Variants in GALNT13 observed in about 807,000 individuals in gnomAD.
The protein encoded by GALNT13 is polypeptide N-acetylgalactosaminyltransferase 13, also known as UDP-GalNAc:polypeptide N-acetylgalactosaminyltransferase 13.
GALNT13 carries 28 observed loss-of-function variants against 64.2 expected under a neutral mutation model. That is an observed-to-expected ratio of 0.44 (90% CI 0.32 to 0.60). The LOEUF (loss-of-function observed/expected upper bound fraction) is 0.60, where lower values mean the gene tolerates loss of function less well. GALNT13 is among the 20% of genes least tolerant of loss of function. GALNT13 has a pLI of 0.05. For synonymous variants in GALNT13, 214 were observed against 224.6 expected (o/e 0.95, Z 0.42); for missense variants, 577 against 669.8 (o/e 0.86, Z 1.53).
chr2:154,227,353 A>C (rs1688673231), intron 4 of GALNT13, among the ~76,000 whole-genome samples: 1 of 150,058 alleles, frequency 6.7e-6, no homozygotes, highest in Admixed American at 6.6e-5. Context: ...ATTATACTTT[A>C]AGTTTTAGGG....
In GALNT13 at chr2:154,302,249, A is replaced by G. The variant is rs962607776; in HGVS notation, c.1156+660A>G. ...GGGATTATTAATGATTACATTCTGT[A>G]TAATTTTCTAGATTTCTGCAATAGC... On this transcript the variant is annotated intron_variant, in intron 9 of 12. Transcript: ENST00000392825. Among the ~76,000 whole-genome samples the G allele has an allele frequency of 1.1e-4, 16 of 152,144 alleles. 1 individual carries two copies. Among genetic ancestry groups the G allele is most frequent in the Admixed American group, 9.8e-4 (15 of 15,278 alleles).
chr2:154,106,808 A>C (rs1239296981), intron 3 of GALNT13, among the ~76,000 whole-genome samples: 3 of 152,118 alleles, frequency 2.0e-5, no homozygotes, highest in African/African-American at 7.2e-5. Context: ...TCATAAGTTC[A>C]ATGGGATACG....
intron 4 of GALNT13, among the ~76,000 whole-genome samples, chr2:154,144,795 C>T (rs953810613): frequency 2.0e-5 from 3 of 151,762 alleles, no homozygotes; most frequent in East Asian, 1.9e-4. Context: ...TGTGAATAAC[C>T]ATCAGGACAA....
the GALNT13 span, among the ~76,000 whole-genome samples, chr2:153,474,247 G>A: frequency 6.6e-5 from 10 of 152,326 alleles, no homozygotes; most frequent in African/African-American, 2.4e-4. Context: ...TGGAATCATA[G>A]AATTGGAAGG....
chr2:153,303,798 G>A, the GALNT13 span, among the ~76,000 whole-genome samples: 1 of 151,858 alleles, frequency 6.6e-6, no homozygotes, highest in South Asian at 2.1e-4. Context: ...TTTGGCAGGG[G>A]TGGGGATAGA....
the GALNT13 span, among the ~76,000 whole-genome samples, chr2:153,523,041 C>CTA: frequency 2.7e-5 from 2 of 74,778 alleles, no homozygotes; most frequent in East Asian, 1.1e-3. Context: ...TCTGTGTTTA[C>CTA]TATTTTTTTT....
intron 9 of GALNT13, among the ~76,000 whole-genome samples, chr2:154,362,789 T>C (rs1697149034): frequency 6.6e-6 from 1 of 152,188 alleles, no homozygotes. Context: ...CAAATAGCTA[T>C]TGCATTAAGG....
intron 2 of GALNT13, among the ~76,000 whole-genome samples, chr2:153,903,801 A>G (rs1211441500): frequency 6.6e-6 from 1 of 151,974 alleles, no homozygotes; most frequent in Non-Finnish European, 1.5e-5. Context: ...ATTTTTACGC[A>G]TTAAGGAGAC....
At chr2:154,096,966 C>T (rs1305858771) in intron 3 of GALNT13, among the ~76,000 whole-genome samples, 1 of 151,028 alleles carries the variant, frequency 6.6e-6, no homozygotes, top group Non-Finnish European at 1.5e-5. Context: ...GAAAAAATTC[C>T]ACATCATCAA....
At chr2:153,591,067 C>T in the GALNT13 span, among the ~76,000 whole-genome samples, 5 of 151,994 alleles carry the variant, frequency 3.3e-5, no homozygotes, top group Non-Finnish European at 5.9e-5. Flanking sequence ...TCTAGAATAA[C>T]CTTATAATTC....
chr2:153,253,011 T>G, the GALNT13 span, among the ~76,000 whole-genome samples: 1 of 151,808 alleles, frequency 6.6e-6, no homozygotes, highest in East Asian at 1.9e-4. Flanking sequence ...GTGAAGAAAG[T>G]CATTGGTAGC....
chr2:153,796,561 T>A, the GALNT13 span, among the ~76,000 whole-genome samples: 1 of 152,164 alleles, frequency 6.6e-6, no homozygotes. Flanking sequence ...ATAACAAAAA[T>A]TATATCACAA....
chr2:154,370,544 T>C (rs1029585189), intron 9 of GALNT13, among the ~76,000 whole-genome samples: 1 of 152,096 alleles, frequency 6.6e-6, no homozygotes, highest in African/African-American at 2.4e-5. Context: ...AATGATGAAA[T>C]AGAAGCACAA....
chr2:153,194,465 C>T, the GALNT13 span, among the ~76,000 whole-genome samples: 2 of 152,036 alleles, frequency 1.3e-5, no homozygotes, highest in Non-Finnish European at 2.9e-5. Flanking sequence ...TGATATCTTT[C>T]TCTTTTATAT....
the GALNT13 span, among the ~76,000 whole-genome samples, chr2:153,582,897 G>A: frequency 6.6e-6 from 1 of 152,104 alleles, no homozygotes; most frequent in Non-Finnish European, 1.5e-5. Flanking sequence ...TATTAAATAT[G>A]AAAATATTTT....
At chr2:153,245,442 T>A in the GALNT13 span, among the ~76,000 whole-genome samples, 1 of 152,122 alleles carries the variant, frequency 6.6e-6, no homozygotes, top group Non-Finnish European at 1.5e-5. Context: ...AGAGGAAGGA[T>A]CAGGTAGCAA....
chr2:154,399,687 G>A (rs71419004), intron 10 of GALNT13, among the ~76,000 whole-genome samples: 1 of 152,032 alleles, frequency 6.6e-6, no homozygotes, highest in African/African-American at 2.4e-5. Context: ...ATGGGGATTA[G>A]ATTTCACCAT....
the GALNT13 span, among the ~76,000 whole-genome samples, chr2:153,458,294 T>C: frequency 6.6e-6 from 1 of 152,152 alleles, no homozygotes; most frequent in Non-Finnish European, 1.5e-5. Context: ...AGATCTAAAA[T>C]GCCTACCTCA....
chr2:153,092,001 T>C, the GALNT13 span, among the ~76,000 whole-genome samples: 1 of 152,226 alleles, frequency 6.6e-6, no homozygotes, highest in Non-Finnish European at 1.5e-5. Context: ...ATTTTATCCA[T>C]TTTTATTTGA....
Sources: gnomAD v4.1 joint callset for allele counts (sites outside exome capture counted in the v4.1 genomes callset) on GRCh38, gnomAD v4.1.1 for gene constraint, MANE v1.5 for transcripts, NCBI Gene and HGNC (gene_info 2026-07-23, HGNC 2026-07-21) for gene names.